The following EPHA3 variants were observed in gnomAD, a reference collection of about 807,000 sequenced individuals.
The protein encoded by EPHA3 is EPH receptor A3.
Under a neutral mutation model 107.1 loss-of-function variants are expected in EPHA3, and 42 were observed. That is an observed-to-expected ratio of 0.39 (90% CI 0.31 to 0.51). EPHA3 has a LOEUF of 0.51. EPHA3 is among the 20% of genes least tolerant of loss of function. EPHA3 has a pLI of 0.78. For missense variants in EPHA3, 1,183 were observed against 1,211.2 expected, an observed-to-expected ratio of 0.98 and a Z score of 0.35; for synonymous variants, 461 against 424.8, an observed-to-expected ratio of 1.09 and a Z score of -1.05.
At chr3:89,262,706 G>A (rs1322850226) in intron 3 of EPHA3, among the ~76,000 whole-genome samples, 2 of 152,226 alleles carry the variant, frequency 1.3e-5, no homozygotes, top group Non-Finnish European at 2.9e-5. Flanking sequence ...GAGGGAGTGC[G>A]TAAGTGAACA....
intron 3 of EPHA3, among the ~76,000 whole-genome samples, chr3:89,238,635 T>A (rs1300259357): frequency 6.6e-6 from 1 of 152,216 alleles, no homozygotes; most frequent in Non-Finnish European, 1.5e-5. Context: ...TATGACGATT[T>A]ACCTGTAACC....
At chr3:89,460,238 G>T (rs1035376054) in intron 15 of EPHA3, among the ~76,000 whole-genome samples, 2 of 152,072 alleles carry the variant, frequency 1.3e-5, no homozygotes, top group Non-Finnish European at 2.9e-5. Flanking sequence ...CACTAGCCAG[G>T]TATTGAATTC....
chr3:89,210,131 A>C lies in EPHA3; in HGVS notation c.425A>C (p.Lys142Thr), dbSNP rs1457847145. ...GVKFREHQFT[K>T]IDTIAADESF... ...AAATTTCGAGAGCATCAGTTTACAA[A>C]GATTGACACCATTGCAGCTGATGAA... Residue 142 changes from lysine to threonine, a missense_variant, in exon 3 of 17, where the codon AAG becomes ACG. Lys to Thr is a moderately conservative substitution (Grantham distance 78, BLOSUM62 -1). Transcript: ENST00000336596. 1 of 1,614,028 alleles carries C rather than the reference A, an allele frequency of 6.2e-7. No individual in the cohort carries two copies. The highest frequency in any genetic ancestry group is 8.5e-7 in the Non-Finnish European group (1 of 1,179,922).
chr3:89,402,507 A>C (rs1019477835), intron 7 of EPHA3, among the ~76,000 whole-genome samples: 2 of 152,074 alleles, frequency 1.3e-5, no homozygotes, highest in Non-Finnish European at 2.9e-5. Context: ...TAAAAGACAA[A>C]ATTTTTTTTG....
chr3:89,143,290 A>G (rs1445814521), intron 2 of EPHA3, among the ~76,000 whole-genome samples: 1 of 151,546 alleles, frequency 6.6e-6, no homozygotes, highest in East Asian at 1.9e-4. Flanking sequence ...GAAAGCTGTC[A>G]TGTTAATTAA....
rs763804316 is a variant in EPHA3 at position 89,210,528 on chromosome 3, C to T, written c.814+8C>T. The T allele has an allele frequency of 1.1e-5, 16 of 1,523,364 alleles. No homozygotes were observed. Among genetic ancestry groups the T allele is most frequent in the Non-Finnish European group, 1.3e-5 (15 of 1,139,278 alleles). 94.4% of individuals were successfully genotyped at this position (1,523,364 alleles called of 1,614,324 possible). On this transcript the variant is annotated splice_region_variant and intron_variant, in intron 3 of 16. Transcript: ENST00000336596. ...GAGGTTTTATGTGCCAAGGTAAGAG[C>T]CTTCTCTATTTTTCTTTGAGCAATA...
chr3:89,420,982 A>G (rs921608917), intron 11 of EPHA3, among the ~76,000 whole-genome samples: 17 of 151,606 alleles, frequency 1.1e-4, no homozygotes, highest in Admixed American at 9.3e-4. Flanking sequence ...ATAACTGTAA[A>G]GGGTAATTAG....
intron 1 of EPHA3, among the ~76,000 whole-genome samples, chr3:89,121,804 C>T (rs1707395773): frequency 6.7e-6 from 1 of 150,036 alleles, no homozygotes; most frequent in African/African-American, 2.4e-5. Context: ...TAAATACAAA[C>T]AGGAAGTCCA....
At chr3:89,120,883 C>CTT (rs1707362672) in intron 1 of EPHA3, among the ~76,000 whole-genome samples, 1 of 152,158 alleles carries the variant, frequency 6.6e-6, no homozygotes, top group Non-Finnish European at 1.5e-5. Flanking sequence ...CATAAATAGG[C>CTT]TGTTAAAATA....
intron 11 of EPHA3, among the ~76,000 whole-genome samples, chr3:89,420,016 T>G (rs1709326215): frequency 6.6e-6 from 1 of 151,428 alleles, no homozygotes; most frequent in Non-Finnish European, 1.5e-5. Flanking sequence ...CTTATTTCCA[T>G]GATGGTTTCT....
intron 1 of EPHA3, among the ~76,000 whole-genome samples, chr3:89,122,666 A>G (rs1216056092): frequency 6.6e-6 from 1 of 152,226 alleles, no homozygotes; most frequent in African/African-American, 2.4e-5. Flanking sequence ...ACAAGTAGCC[A>G]CTATGAATCA....
At chr3:89,246,321 T>C (rs978637265) in intron 3 of EPHA3, among the ~76,000 whole-genome samples, 1 of 152,260 alleles carries the variant, frequency 6.6e-6, no homozygotes, top group Non-Finnish European at 1.5e-5. Flanking sequence ...CAGGAAAGAA[T>C]AAATAAACAC....
rs552234657 is a variant in EPHA3 at position 89,386,430 on chromosome 3, G to A, written c.1307-9407G>A. Among the ~76,000 whole-genome samples the A allele has an allele frequency of 1.6e-3, 251 of 152,286 alleles. 2 individuals are homozygous for A. The highest frequency in any genetic ancestry group is 5.4e-3 in the African/African-American group (225 of 41,566). Reference sequence around the variant, plus strand: ...ATAGCTTGGGCCATGGCTTAAGATGGTGCAAGACCCAAGCCTTGGCAGCTT... The same window carrying A: ...ATAGCTTGGGCCATGGCTTAAGATGATGCAAGACCCAAGCCTTGGCAGCTT... On this transcript the variant is annotated intron_variant, in intron 5 of 16. Coordinates refer to ENST00000336596, the MANE Select transcript of EPHA3 (RefSeq NM_005233.6).
chr3:89,208,425 A>AG (rs775215222), intron 2 of EPHA3, among the ~76,000 whole-genome samples: 6,260 of 74,180 alleles, frequency 0.084, 401 homozygotes, highest in Non-Finnish European at 0.1. Flanking sequence ...GAAGGAAGGA[A>AG]GAAAGAAAGA....
intron 3 of EPHA3, among the ~76,000 whole-genome samples, chr3:89,272,014 T>A (rs1705680914): frequency 6.6e-6 from 1 of 152,054 alleles, no homozygotes. Context: ...TTCTTCCTTA[T>A]GATTTTCTTA....
chr3:89,377,050 T>G (rs1708416834), intron 5 of EPHA3, among the ~76,000 whole-genome samples: 1 of 152,080 alleles, frequency 6.6e-6, no homozygotes, highest in Non-Finnish European at 1.5e-5. Context: ...TCCCTCATTA[T>G]AAATGTAATT....
Position 89,368,433 on chromosome 3 carries a change from G to C in EPHA3, c.1306+26343G>C, listed in dbSNP as rs141223855. ...TTTGCATAATTATGGAGGCCAGAAA[G>C]TTCCACAATCTGTTGCCTGGGAGCT... On this transcript the variant is annotated intron_variant, in intron 5 of 16. Transcript: ENST00000336596. Among the ~76,000 whole-genome samples the C allele has an allele frequency of 2.1e-3, 312 of 150,514 alleles. 8 individuals are homozygous for C. The highest frequency in any genetic ancestry group is 6.8e-3 in the Middle Eastern group (2 of 292).
chr3:89,211,725 T>C (rs544247033), intron 3 of EPHA3, among the ~76,000 whole-genome samples: 15 of 112,196 alleles, frequency 1.3e-4, no homozygotes, highest in African/African-American at 3.2e-4. Flanking sequence ...TCTTCTTCTT[T>C]TTCTTCTTCT....
chr3:89,201,930 G>A (rs1319171623), intron 2 of EPHA3, among the ~76,000 whole-genome samples: 1 of 152,044 alleles, frequency 6.6e-6, no homozygotes. Flanking sequence ...TATTCCAATC[G>A]TACTGGAACC....
Sources: gnomAD v4.1 joint callset for allele counts (sites outside exome capture counted in the v4.1 genomes callset) on GRCh38, gnomAD v4.1.1 for gene constraint, MANE v1.5 for transcripts, NCBI Gene and HGNC (gene_info 2026-07-23, HGNC 2026-07-21) for gene names.